The following SGTA variants were observed in gnomAD, a reference collection of about 807,000 sequenced individuals.
SGTA encodes small glutamine-rich tetratricopeptide repeat-containing protein alpha.
In SGTA, 22 loss-of-function variants were observed where a neutral mutation model predicts 44.3. The ratio of observed to expected loss-of-function variants is 0.50; its 90% CI spans 0.36 to 0.71. The LOEUF (loss-of-function observed/expected upper bound fraction) is 0.71, where lower values mean the gene tolerates loss of function less well. Ranked by LOEUF, SGTA falls within the 30% of genes least tolerant of loss-of-function variation. The pLI is 0.00. For synonymous variants in SGTA, 174 were observed against 177.6 expected, an observed-to-expected ratio of 0.98 and a Z score of 0.16; for missense variants, 341 against 435.9, an observed-to-expected ratio of 0.78 and a Z score of 1.94.
Position 2,757,469 on chromosome 19 carries a change from G to A in SGTA, c.828-12C>T, listed in dbSNP as rs1357457180. ...CAAACTGCTGGCCCCTGCGGGGAAGGGCACATGGGGCTCAGCCAGGGCCAG... is the reference window on the plus strand; with the variant it reads ...CAAACTGCTGGCCCCTGCGGGGAAGAGCACATGGGGCTCAGCCAGGGCCAG... On this transcript the variant is annotated splice_polypyrimidine_tract_variant and intron_variant, in intron 10 of 11. Transcript: ENST00000221566. 6.2e-7 allele frequency: 1 copy of A among 1,605,556 alleles called. No individual in the cohort carries two copies. The highest frequency in any genetic ancestry group is 1.7e-5 in the Admixed American group (1 of 59,936).
intron 1 of SGTA, among the ~76,000 whole-genome samples, chr19:2,779,002 T>C (rs1915509654): frequency 6.6e-6 from 1 of 152,062 alleles, no homozygotes; most frequent in Non-Finnish European, 1.5e-5. Context: ...GGGTGGATGA[T>C]TCTGTCCTGC....
chr19:2,774,328 A>C (rs1359422762), intron 1 of SGTA, among the ~76,000 whole-genome samples: 1 of 152,174 alleles, frequency 6.6e-6, no homozygotes, highest in South Asian at 2.1e-4. Flanking sequence ...ACGGGCTGTC[A>C]TCACACGGAA....
Position 2,761,031 on chromosome 19 carries a change from G to A in SGTA, c.699+429C>T, listed in dbSNP as rs1371497193. 4.6e-5 allele frequency among the ~76,000 whole-genome samples: 7 copies of A among 152,222 alleles called. No homozygotes were observed. Among genetic ancestry groups the A allele is most frequent in the Admixed American group, 2.0e-4 (3 of 15,288 alleles). On this transcript the variant is annotated intron_variant, in intron 8 of 11. Transcript: ENST00000221566. The surrounding 1 kb of genome is among the most constrained non-coding windows in gnomAD (Gnocchi z 5.7). ...GGCATCGGGAGGTCCACCTGCGCCCGGCGCACCCGGCGCTCTGCTTCCCTT... is the reference window on the plus strand; with the variant it reads ...GGCATCGGGAGGTCCACCTGCGCCCAGCGCACCCGGCGCTCTGCTTCCCTT...
rs1156692058 is a variant in SGTA at position 2,763,048 on chromosome 19, CCT to C, written c.498-406_498-405del. On this transcript the variant is annotated intron_variant, in intron 6 of 11. Coordinates refer to ENST00000221566, the MANE Select transcript of SGTA (RefSeq NM_003021.4). This position sits in a 1 kb window ranked among gnomAD's most constrained non-coding sequence, Gnocchi z 5.8. ...TGTCTCCCGTCATCCACAAGCAGCCCCTGACCCCCACCTGAGTGAGTCTTCAC... is the reference window on the plus strand; with the variant it reads ...TGTCTCCCGTCATCCACAAGCAGCCCGACCCCCACCTGAGTGAGTCTTCAC... Among the ~76,000 whole-genome samples, 13 of 132,926 alleles carry C rather than the reference CCT, an allele frequency of 9.8e-5. No individual in the cohort carries two copies. Among genetic ancestry groups the C allele is most frequent in the African/African-American group, 2.3e-4 (7 of 29,966 alleles). 87.2% of individuals were successfully genotyped at this position (132,926 alleles called of 152,430 possible).
chr19:2,775,181 A>G (rs1915416759), intron 1 of SGTA, among the ~76,000 whole-genome samples: 2 of 152,194 alleles, frequency 1.3e-5, no homozygotes, highest in African/African-American at 2.4e-5. Flanking sequence ...GGAGGTGTTC[A>G]CTCAAGGCCA....
intron 1 of SGTA, among the ~76,000 whole-genome samples, chr19:2,779,044 T>TC (rs1051122652): frequency 2.6e-5 from 4 of 151,528 alleles, no homozygotes; most frequent in Non-Finnish European, 4.4e-5. Flanking sequence ...CACCCCTGGC[T>TC]CCCCCCACTG....
In SGTA at chr19:2,769,152, G is replaced by T; in HGVS notation, c.-23-61C>A. On this transcript the variant is annotated intron_variant, in intron 1 of 11. Coordinates refer to ENST00000221566, the MANE Select transcript of SGTA (RefSeq NM_003021.4). ...CACACTCCCCACTCCAGGCACCCCA[G>T]GCCTGCCCCTAACTAGCTGGGCCTC... The T allele has an allele frequency of 3.0e-6, 3 of 1,000,392 alleles. No individual in the cohort carries two copies. In the Admixed American group the frequency reaches 5.6e-5, roughly 19 times the overall value. 62.0% of individuals were successfully genotyped at this position (1,000,392 alleles called of 1,614,324 possible).
intron 1 of SGTA, among the ~76,000 whole-genome samples, chr19:2,776,161 G>A (rs1915441006): frequency 6.6e-6 from 1 of 152,194 alleles, no homozygotes; most frequent in Non-Finnish European, 1.5e-5. Flanking sequence ...AAACCAGTCA[G>A]GTCTCCTGAC....
Position 2,763,510 on chromosome 19 carries a change from G to C in SGTA, c.497+143C>G, listed in dbSNP as rs1313784829. The C allele has an allele frequency of 1.3e-4, 79 of 597,296 alleles. No individual in the cohort carries two copies. The East Asian group carries it at 2.1e-3, about 16-fold the overall frequency. The allele number at this position is 597,296 out of a possible 1,614,324, so 37.0% of individuals were successfully genotyped here. A position where few individuals can be genotyped will look rare whatever the true frequency, so the allele number is the denominator to read the frequency against. ...GACCTGTAGGGACTACGTTGGCTCC[G>C]AACAGCTAGTGTCAGAGTTGAACTG... On this transcript the variant is annotated intron_variant, in intron 6 of 11. Transcript: ENST00000221566. The surrounding 1 kb of genome is among the most constrained non-coding windows in gnomAD (Gnocchi z 5.8).
At chr19:2,766,989 C>T in intron 4 of SGTA, 147 bp downstream of exon 4, 1 of 684,572 alleles carries the variant, frequency 1.5e-6, no homozygotes, top group Non-Finnish European at 2.7e-6. Flanking sequence ...CCCCTTCCGT[C>T]CCCGTCCCCA....
Position 2,763,916 on chromosome 19 carries a change from G to C in SGTA, c.393-159C>G, listed in dbSNP as rs1265426912. 6.6e-6 allele frequency among the ~76,000 whole-genome samples: 1 copy of C among 152,204 alleles called. No homozygotes were observed. Among genetic ancestry groups the C allele is most frequent in the Non-Finnish European group, 1.5e-5 (1 of 68,028 alleles). ...ATGGGGCTGATGGGGAAAGCTGAGA[G>C]GTGTGGCCACTGAGATGCTCTTAGA... On this transcript the variant is annotated intron_variant, in intron 5 of 11. Coordinates refer to ENST00000221566, the MANE Select transcript of SGTA (RefSeq NM_003021.4). This position sits in a 1 kb window ranked among gnomAD's most constrained non-coding sequence, Gnocchi z 5.8.
At chr19:2,779,670 G>C (rs75171041) in intron 1 of SGTA, among the ~76,000 whole-genome samples, 3,271 of 152,344 alleles carry the variant, frequency 0.021, 132 homozygotes, top group East Asian at 0.14. Flanking sequence ...TGGCCCATGG[G>C]GGTGGCGCCA....
In SGTA at chr19:2,763,604, G is replaced by T; in HGVS notation, c.497+49C>A. ...CAAGAGAGGAAGCAGGAGCAGGAGAGGAGGGGTCCCGAGAGACTGGAAAGG... is the reference window on the plus strand; with the variant it reads ...CAAGAGAGGAAGCAGGAGCAGGAGATGAGGGGTCCCGAGAGACTGGAAAGG... On this transcript the variant is annotated intron_variant, in intron 6 of 11. Transcript: ENST00000221566. This position sits in a 1 kb window ranked among gnomAD's most constrained non-coding sequence, Gnocchi z 5.8. The T allele has an allele frequency of 7.7e-7, 1 of 1,295,904 alleles. No individual in the cohort carries two copies. The highest frequency in any genetic ancestry group is 1.2e-5 in the South Asian group (1 of 80,134). The allele number at this position is 1,295,904 out of a possible 1,614,324, so 80.3% of individuals were successfully genotyped here. A position where few individuals can be genotyped will look rare whatever the true frequency, so the allele number is the denominator to read the frequency against.
intron 8 of SGTA, among the ~76,000 whole-genome samples, chr19:2,760,540 ACC>A (rs1355843354): frequency 1.9e-4 from 28 of 148,762 alleles, no homozygotes; most frequent in African/African-American, 6.5e-4. Context: ...AAAAAAAAAA[ACC>A]AAAAAAAACT....
intron 8 of SGTA, 108 bp from the exon 9 acceptor site, chr19:2,759,402 C>T (rs2144720087): frequency 2.0e-6 from 2 of 990,158 alleles, no homozygotes; most frequent in Non-Finnish European, 1.6e-6. Flanking sequence ...TCCAGCACGC[C>T]AACCAACAGT....
At position 2,765,359 on chromosome 19, in the gene SGTA, C is replaced by T; in HGVS notation, c.293-74G>A. 1 of 1,145,452 alleles carries T rather than the reference C, an allele frequency of 8.7e-7. No individual in the cohort carries two copies. The highest frequency in any genetic ancestry group is 1.3e-6 in the Non-Finnish European group (1 of 777,490). 71.0% of individuals were successfully genotyped at this position (1,145,452 alleles called of 1,614,324 possible). ...GGGGTGTCAGGGAGAGAGGAAAACACCGGCCTGGTGTCCACACAGACCCGA... is the reference window on the plus strand; with the variant it reads ...GGGGTGTCAGGGAGAGAGGAAAACATCGGCCTGGTGTCCACACAGACCCGA... On this transcript the variant is annotated intron_variant, in intron 4 of 11. Coordinates refer to ENST00000221566, the MANE Select transcript of SGTA (RefSeq NM_003021.4). The surrounding 1 kb of genome is among the most constrained non-coding windows in gnomAD (Gnocchi z 5.5).
chr19:2,757,388 G>A lies in SGTA; in HGVS notation c.897C>T (p.Ile299=), dbSNP rs777877207. 1 of 1,607,480 alleles carries A rather than the reference G, an allele frequency of 6.2e-7. No homozygotes were observed. Among genetic ancestry groups the A allele is most frequent in the Middle Eastern group, 1.6e-4 (1 of 6,062 alleles). The part of the protein sequence containing the change: ...PELIEQLRSQ[I]RSRTPSASND... ...TGCTGGCGCTGGGCGTCCGACTCCG[G>A]ATCTGGCTCCTGAGCTGCTCTATCA... Residue 299 remains isoleucine (I), a synonymous_variant, in exon 11 of 12, where the codon ATC becomes ATT. Transcript: ENST00000221566.
intron 10 of SGTA, 51 bp from the exon 11 acceptor site, chr19:2,757,508 G>A: frequency 6.3e-7 from 1 of 1,589,372 alleles, no homozygotes; most frequent in South Asian, 1.1e-5. Flanking sequence ...GCTGCCTGCT[G>A]CCTCCGTCCA....
intron 2 of SGTA, among the ~76,000 whole-genome samples, chr19:2,768,471 G>A (rs149940045): frequency 0.013 from 2,052 of 152,234 alleles, 28 homozygotes; most frequent in Non-Finnish European, 0.018. Context: ...GTGCCTCCCC[G>A]AGCCCTCCTT....
Sources: gnomAD v4.1 joint callset for allele counts (sites outside exome capture counted in the v4.1 genomes callset) on GRCh38, gnomAD v4.1.1 for gene constraint, Gnocchi (gnomAD v3.1) non-coding constraint, MANE v1.5 for transcripts, NCBI Gene and HGNC (gene_info 2026-07-23, HGNC 2026-07-21) for gene names.